The following RALYL variants were observed in gnomAD, a reference collection of about 807,000 sequenced individuals.
The protein encoded by RALYL is RALY RNA binding protein like.
Under a neutral mutation model 35.1 loss-of-function variants are expected in RALYL, and 29 were observed. That is an observed-to-expected ratio of 0.83 (90% confidence interval 0.61 to 1.13). The LOEUF (loss-of-function observed/expected upper bound fraction) is 1.13, where lower values mean the gene tolerates loss of function less well. Among genes scored for constraint, RALYL ranks in the 50% most tolerant of loss-of-function variants. RALYL has a pLI of 0.00. For synonymous variants in RALYL, 120 were observed against 127.6 expected, an observed-to-expected ratio of 0.94 and a Z score of 0.40; for missense variants, 359 against 360.4, an observed-to-expected ratio of 1.00 and a Z score of 0.03.
chr8:84,799,749 G>A (rs555829918), intron 3 of RALYL, among the ~76,000 whole-genome samples: 1 of 152,230 alleles, frequency 6.6e-6, no homozygotes, highest in African/African-American at 2.4e-5. Context: ...GAGGTCAGGA[G>A]ATCGAGACCA....
intron 4 of RALYL, among the ~76,000 whole-genome samples, chr8:84,846,625 T>G (rs1834723802): frequency 6.6e-6 from 1 of 152,238 alleles, no homozygotes; most frequent in Non-Finnish European, 1.5e-5. Flanking sequence ...AGAATTCAGC[T>G]GTGAATACAT....
chr8:84,434,056 T>C (rs1309264862), intron 1 of RALYL, among the ~76,000 whole-genome samples: 1 of 152,052 alleles, frequency 6.6e-6, no homozygotes, highest in East Asian at 1.9e-4. Context: ...ACAACAAAAA[T>C]GCATTGCCTC....
intron 3 of RALYL, among the ~76,000 whole-genome samples, chr8:84,784,430 A>T (rs1818897701): frequency 6.6e-6 from 1 of 152,224 alleles, no homozygotes; most frequent in Non-Finnish European, 1.5e-5. Flanking sequence ...ATGATTTTTT[A>T]AAGACATATA....
In RALYL at chr8:84,389,226, T is replaced by A. The variant is rs185773637; in HGVS notation, c.-23-140073T>A. On this transcript the variant is annotated intron_variant, in intron 1 of 8. Transcript: ENST00000521268. ...TATCTCTGTTTTGGTATCAGTACCA[T>A]GCTGTTTTGGTTACTGTAGCCTTGT... Among the ~76,000 whole-genome samples the A allele has an allele frequency of 1.6e-3, 246 of 152,304 alleles. 6 individuals carry two copies. The East Asian group carries it at 0.044, about 27-fold the overall frequency.
At chr8:84,622,423 G>C (rs939600793) in intron 2 of RALYL, among the ~76,000 whole-genome samples, 1 of 152,182 alleles carries the variant, frequency 6.6e-6, no homozygotes, top group East Asian at 1.9e-4. Context: ...GCCAGGCTAT[G>C]TTCTAAGTAT....
At chr8:84,865,185 G>T (rs897675566) in intron 6 of RALYL, among the ~76,000 whole-genome samples, 6 of 151,992 alleles carry the variant, frequency 3.9e-5, no homozygotes, top group African/African-American at 1.4e-4. Flanking sequence ...TAATTAGGTT[G>T]GTTTCTGGAA....
At chr8:84,427,234 G>A (rs113672405) in intron 1 of RALYL, among the ~76,000 whole-genome samples, 1 of 152,178 alleles carries the variant, frequency 6.6e-6, no homozygotes, top group Non-Finnish European at 1.5e-5. Context: ...GTTTGCCTCA[G>A]CTATGGCAAT....
chr8:84,517,383 CT>C (rs1042926213), intron 1 of RALYL, among the ~76,000 whole-genome samples: 5 of 152,304 alleles, frequency 3.3e-5, no homozygotes, highest in African/African-American at 9.6e-5. Flanking sequence ...AGAATCACAA[CT>C]GCTCCTGAGT....
At chr8:84,307,692 G>A (rs779522373) in intron 1 of RALYL, among the ~76,000 whole-genome samples, 1 of 152,098 alleles carries the variant, frequency 6.6e-6, no homozygotes, top group Admixed American at 6.5e-5. Context: ...GGGCGAATGG[G>A]GAAGAAAGAG....
intron 1 of RALYL, among the ~76,000 whole-genome samples, chr8:84,434,522 G>A (rs964987922): frequency 1.3e-5 from 2 of 152,122 alleles, no homozygotes; most frequent in Non-Finnish European, 2.9e-5. Context: ...ACCAGAACAT[G>A]CTGCACACTG....
intron 4 of RALYL, among the ~76,000 whole-genome samples, chr8:84,809,225 A>G (rs1289834829): frequency 6.6e-6 from 1 of 152,180 alleles, no homozygotes; most frequent in Admixed American, 6.5e-5. Flanking sequence ...CTTTTTCTGC[A>G]TCTATTGAGG....
chr8:84,900,932 C>T (rs185453068), intron 8 of RALYL, among the ~76,000 whole-genome samples: 3 of 152,196 alleles, frequency 2.0e-5, no homozygotes, highest in East Asian at 1.9e-4. Context: ...ATTTTAAGCA[C>T]TGGGGTAACT....
intron 4 of RALYL, among the ~76,000 whole-genome samples, chr8:84,841,471 G>C (rs1179471060): frequency 6.6e-6 from 1 of 152,100 alleles, no homozygotes; most frequent in African/African-American, 2.4e-5. Context: ...CATACAGCAA[G>C]TCCTTAGAGA....
At chr8:84,467,224 A>G (rs2051826921) in intron 1 of RALYL, among the ~76,000 whole-genome samples, 2 of 151,718 alleles carry the variant, frequency 1.3e-5, no homozygotes, top group South Asian at 4.2e-4. Flanking sequence ...AATTCTTTTA[A>G]TTGTGATGTT....
chr8:84,866,456 G>A (rs913132340), intron 6 of RALYL, among the ~76,000 whole-genome samples: 7 of 152,118 alleles, frequency 4.6e-5, no homozygotes, highest in African/African-American at 1.7e-4. Flanking sequence ...GTTAATTATT[G>A]CTACTACTAT....
intron 1 of RALYL, among the ~76,000 whole-genome samples, chr8:84,474,027 A>G (rs2053105643): frequency 6.6e-6 from 1 of 152,104 alleles, no homozygotes; most frequent in African/African-American, 2.4e-5. Flanking sequence ...ATTGATTCTG[A>G]TGCATTAAGT....
At chr8:84,738,062 T>C (rs1356757109) in intron 2 of RALYL, among the ~76,000 whole-genome samples, 1 of 152,030 alleles carries the variant, frequency 6.6e-6, no homozygotes, top group African/African-American at 2.4e-5. Flanking sequence ...CTTCAGGAAC[T>C]TACAACCAAA....
chr8:84,450,807 G>C (rs2049383755), intron 1 of RALYL, among the ~76,000 whole-genome samples: 2 of 151,856 alleles, frequency 1.3e-5, no homozygotes, highest in African/African-American at 4.8e-5. Flanking sequence ...GCAAAGGGGT[G>C]AAATTTTCAA....
intron 4 of RALYL, among the ~76,000 whole-genome samples, chr8:84,829,671 T>C (rs143475020): frequency 6.6e-6 from 1 of 152,260 alleles, no homozygotes; most frequent in Non-Finnish European, 1.5e-5. Context: ...ACAAAGACTT[T>C]TAAAAGATAC....
Sources: gnomAD v4.1 joint callset for allele counts (sites outside exome capture counted in the v4.1 genomes callset) on GRCh38, gnomAD v4.1.1 for gene constraint, MANE v1.5 for transcripts, NCBI Gene and HGNC (gene_info 2026-07-23, HGNC 2026-07-21) for gene names.